Variants in KHDRBS1 observed in about 807,000 individuals in gnomAD.
KHDRBS1 encodes KH RNA binding domain containing, signal transduction associated 1.
KHDRBS1 carries 7 observed loss-of-function variants against 48.4 expected under a neutral mutation model. That is an observed-to-expected ratio of 0.14 (90% confidence interval 0.08 to 0.27). KHDRBS1 has a LOEUF of 0.27. Ranked by LOEUF, KHDRBS1 falls within the 10% of genes least tolerant of loss-of-function variation. The pLI is 1.00. For missense variants in KHDRBS1, 458 were observed against 601.2 expected (o/e 0.76, Z 2.49); for synonymous variants, 241 against 235.8 (o/e 1.02, Z -0.20).
chr1:32,051,511 C>T (rs1639421687), intron 10 of KHDRBS1, among the ~76,000 whole-genome samples: 2 of 152,162 alleles, frequency 1.3e-5, no homozygotes, highest in Admixed American at 1.3e-4. Context: ...TATTATACTG[C>T]AGGCTGCTAA....
intron 1 of KHDRBS1, 21 bp downstream of exon 1, chr1:32,014,398 C>T: frequency 7.6e-7 from 1 of 1,320,004 alleles, no homozygotes; most frequent in Non-Finnish European, 9.8e-7. Flanking sequence ...CTCCCGTGTC[C>T]CTCTGGGTCG....
chr1:32,055,961 ACT>A (rs751018446), intron 10 of KHDRBS1, among the ~76,000 whole-genome samples: 14 of 151,694 alleles, frequency 9.2e-5, no homozygotes, highest in African/African-American at 2.4e-4. Context: ...AAACTGTAGC[ACT>A]CTCTGTTTTT....
intron 1 of KHDRBS1, among the ~76,000 whole-genome samples, chr1:32,022,061 G>A (rs993459398): frequency 4.6e-5 from 7 of 151,638 alleles, no homozygotes; most frequent in African/African-American, 7.3e-5. Context: ...TCCACCTCCC[G>A]GGTTCAAGCG....
intron 10 of KHDRBS1, among the ~76,000 whole-genome samples, chr1:32,053,748 TACTTCGAC>T (rs1439782535): frequency 6.6e-6 from 1 of 152,208 alleles, no homozygotes; most frequent in Non-Finnish European, 1.5e-5. Flanking sequence ...TAATATCATT[TACTTCGAC>T]ACTTGGGAAG....
At chr1:32,031,395 G>T (rs1253002987) in intron 2 of KHDRBS1, 129 bp from the exon 3 acceptor site, 2 of 634,150 alleles carry the variant, frequency 3.2e-6, no homozygotes, top group Non-Finnish European at 2.8e-6. Context: ...TGGCTTCAGT[G>T]TCCTTCAGTA....
chr1:32,021,461 A>G (rs1638856600), intron 1 of KHDRBS1, among the ~76,000 whole-genome samples: 1 of 152,204 alleles, frequency 6.6e-6, no homozygotes, highest in South Asian at 2.1e-4. Flanking sequence ...AAGTAATTTG[A>G]TAAATAAAAC....
chr1:32,047,127 T>C (rs1045201503), downstream of KHDRBS1, among the ~76,000 whole-genome samples: 11 of 152,178 alleles, frequency 7.2e-5, no homozygotes, highest in Non-Finnish European at 1.3e-4. Flanking sequence ...TCCAAGTGTT[T>C]TCTGTAAAAT....
chr1:32,047,406 A>T (rs1449088335), downstream of KHDRBS1, among the ~76,000 whole-genome samples: 1 of 152,108 alleles, frequency 6.6e-6, no homozygotes, highest in Non-Finnish European at 1.5e-5. Context: ...TGATCCGCCC[A>T]CCTCAGCCTC....
intron 4 of KHDRBS1, 134 bp downstream of exon 4, chr1:32,033,468 T>C: frequency 8.2e-7 from 1 of 1,215,028 alleles, no homozygotes; most frequent in Non-Finnish European, 1.1e-6. Context: ...ATGTTCATTT[T>C]CCTTAGGTAG....
At chr1:32,035,851 T>C (rs1231908921) in intron 4 of KHDRBS1, among the ~76,000 whole-genome samples, 1 of 152,166 alleles carries the variant, frequency 6.6e-6, no homozygotes, top group African/African-American at 2.4e-5. Context: ...GTATAGGGAA[T>C]TATGTGGTAC....
At position 32,038,704 on chromosome 1, in the gene KHDRBS1, C is replaced by A. The variant is rs561245621; in HGVS notation, c.1175+85C>A. 86 of 1,307,706 alleles carry A rather than the reference C, an allele frequency of 6.6e-5. 1 individual carries two copies. In the South Asian group the frequency reaches 1.0e-3, roughly 15 times the overall value. 81.0% of individuals were successfully genotyped at this position (1,307,706 alleles called of 1,614,324 possible). A position where few individuals can be genotyped will look rare whatever the true frequency, so the allele number is the denominator to read the frequency against. Reference sequence around the variant, plus strand: ...GAACAGAGAGATTTAGACAGTACAACCCTAAGGAGCAGAATGGTTCGCCTT... The same window carrying A: ...GAACAGAGAGATTTAGACAGTACAAACCTAAGGAGCAGAATGGTTCGCCTT... On this transcript the variant is annotated intron_variant, in intron 7 of 8. Coordinates refer to ENST00000327300, the MANE Select transcript of KHDRBS1 (RefSeq NM_006559.3).
intron 10 of KHDRBS1, among the ~76,000 whole-genome samples, chr1:32,058,052 A>G (rs1250777762): frequency 6.6e-6 from 1 of 151,326 alleles, no homozygotes; most frequent in African/African-American, 2.4e-5. Context: ...CAGGAGGCGG[A>G]GGTAGGAGTG....
chr1:32,017,174 C>T (rs1638758671), intron 1 of KHDRBS1, among the ~76,000 whole-genome samples: 1 of 151,866 alleles, frequency 6.6e-6, no homozygotes, highest in South Asian at 2.1e-4. Context: ...AGGAGAATCA[C>T]TTGAAACCGG....
intron 10 of KHDRBS1, among the ~76,000 whole-genome samples, chr1:32,055,403 G>A (rs1464467482): frequency 6.6e-6 from 1 of 152,038 alleles, no homozygotes; most frequent in Non-Finnish European, 1.5e-5. Context: ...AGCCATGATC[G>A]CACCATTGCA....
intron 10 of KHDRBS1, among the ~76,000 whole-genome samples, chr1:32,053,473 C>T (rs556353754): frequency 6.6e-6 from 1 of 152,214 alleles, no homozygotes; most frequent in South Asian, 2.1e-4. Context: ...TCGCTGCAGC[C>T]TTGAACTCCT....
At chr1:32,038,134 C>A in intron 6 of KHDRBS1, 98 bp downstream of exon 6, 1 of 1,535,392 alleles carries the variant, frequency 6.5e-7, no homozygotes, top group Non-Finnish European at 8.8e-7. Context: ...GTGTCATGGA[C>A]TGCCTGTAAG....
intron 1 of KHDRBS1, among the ~76,000 whole-genome samples, chr1:32,026,588 A>G (rs535801161): frequency 2.0e-5 from 3 of 152,332 alleles, no homozygotes; most frequent in African/African-American, 4.8e-5. Context: ...AAATGAAAAA[A>G]TGAAAGGCCT....
At chr1:32,015,724 A>G (rs1189705293) in intron 1 of KHDRBS1, among the ~76,000 whole-genome samples, 1 of 152,116 alleles carries the variant, frequency 6.6e-6, no homozygotes, top group Non-Finnish European at 1.5e-5. Context: ...TTGGTTTGGG[A>G]TGTATGAATT....
chr1:32,042,710 C>G lies in KHDRBS1; in HGVS notation c.*86C>G. ...CCCAGGATTCCTGTTGCTTTACCCA[C>G]AACAGACAAGTAATTGTCTAAGTGT... On this transcript the variant is annotated 3_prime_UTR_variant, in exon 9 of 9. Transcript: ENST00000327300. 2.5e-6 allele frequency: 2 copies of G among 807,776 alleles called. No individual in the cohort carries two copies. The highest frequency in any genetic ancestry group is 4.2e-6 in the Non-Finnish European group (2 of 478,554). The allele number at this position is 807,776 out of a possible 1,614,324, so 50.0% of individuals were successfully genotyped here.
Sources: allele counts gnomAD v4.1 joint callset (sites outside exome capture counted in the v4.1 genomes callset), GRCh38; gene constraint gnomAD v4.1.1; transcripts MANE v1.5; gene names NCBI Gene and HGNC (gene_info 2026-07-23, HGNC 2026-07-21).